SDK2: variants seen among roughly 807,000 people sequenced by gnomAD.
SDK2 encodes protein sidekick-2.
In SDK2, 105 loss-of-function variants were observed where a neutral mutation model predicts 253.9. The observed-to-expected ratio is 0.41, with a 90% CI of 0.35 to 0.49. The LOEUF is 0.49. SDK2 is among the 20% of genes least tolerant of loss of function. The pLI is 0.06. For synonymous variants in SDK2, 1,249 were observed against 1,234.9 expected (o/e 1.01, Z -0.24); for missense variants, 2,608 against 3,003.0 (o/e 0.87, Z 3.07).
At chr17:73,368,846 C>T (rs562533305) in intron 36 of SDK2, among the ~76,000 whole-genome samples, 1 of 152,130 alleles carries the variant, frequency 6.6e-6, no homozygotes, top group Admixed American at 6.6e-5. Context: ...CCCGTTTCTA[C>T]TGGAAATACA....
intron 1 of SDK2, among the ~76,000 whole-genome samples, chr17:73,625,268 C>T (rs1302298047): frequency 1.3e-5 from 2 of 152,234 alleles, no homozygotes; most frequent in Admixed American, 1.3e-4. Flanking sequence ...AGACAGTCTC[C>T]TAGGCAAAAC....
chr17:73,339,284 T>TG (rs2062412967), intron 44 of SDK2, among the ~76,000 whole-genome samples: 1 of 149,428 alleles, frequency 6.7e-6, no homozygotes, highest in African/African-American at 2.5e-5. Context: ...TGGAGTACAT[T>TG]GGCATGATCT....
intron 1 of SDK2, among the ~76,000 whole-genome samples, chr17:73,596,899 GC>G (rs2045766727): frequency 1.3e-5 from 2 of 152,134 alleles, no homozygotes; most frequent in Admixed American, 1.3e-4. Context: ...CTTCGGAGTT[GC>G]CCGCTTGCTC....
At chr17:73,528,050 G>A (rs550819045) in intron 1 of SDK2, among the ~76,000 whole-genome samples, 59 of 152,238 alleles carry the variant, frequency 3.9e-4, no homozygotes, top group Non-Finnish European at 5.6e-4. Flanking sequence ...TGGAAACACC[G>A]CAGCTGGTTT....
intron 1 of SDK2, among the ~76,000 whole-genome samples, chr17:73,568,014 A>G (rs898400362): frequency 6.6e-6 from 1 of 152,254 alleles, no homozygotes; most frequent in Non-Finnish European, 1.5e-5. Flanking sequence ...TAAAAATGAC[A>G]TGAAATTTAG....
At position 73,399,183 on chromosome 17, in the gene SDK2, C is replaced by T; in HGVS notation, c.3078G>A (p.Trp1026Ter). The change falls in exon 22 of 45, where the codon TGG becomes TGA. Residue 1026 changes from tryptophan to a stop codon, truncating the protein, a stop_gained. Transcript: ENST00000392650. LOFTEE classifies it high-confidence loss of function. ...GYDGKTSISR[W>*]LVEAQVGVVG... ...CCTGCCCTACCTGGGCTTCCACCAGCCAGCGGGAGATGGAGGTTTTCCCAT... is the reference window on the plus strand; with the variant it reads ...CCTGCCCTACCTGGGCTTCCACCAGTCAGCGGGAGATGGAGGTTTTCCCAT... 2 of 1,613,794 alleles carry T rather than the reference C, an allele frequency of 1.2e-6. No homozygotes were observed. The highest frequency in any genetic ancestry group is 1.1e-5 in the South Asian group (1 of 91,076).
intron 1 of SDK2, among the ~76,000 whole-genome samples, chr17:73,602,030 C>T (rs1024374004): frequency 2.0e-5 from 3 of 152,226 alleles, no homozygotes; most frequent in Non-Finnish European, 4.4e-5. Context: ...AGGCGTGAGC[C>T]GCCGCGCCCA....
At chr17:73,461,051 A>G (rs2063559427) in intron 3 of SDK2, among the ~76,000 whole-genome samples, 1 of 152,188 alleles carries the variant, frequency 6.6e-6, no homozygotes, top group Admixed American at 6.5e-5. Flanking sequence ...GGCCCTCCCC[A>G]TGCCATCCCT....
At chr17:73,407,307 G>C (rs562226291) in intron 18 of SDK2, among the ~76,000 whole-genome samples, 2 of 152,228 alleles carry the variant, frequency 1.3e-5, no homozygotes, top group Non-Finnish European at 1.5e-5. Flanking sequence ...GAAGCTATCA[G>C]AGACTACTGG....
chr17:73,464,311 C>A (rs559141990), intron 3 of SDK2, among the ~76,000 whole-genome samples: 37 of 152,188 alleles, frequency 2.4e-4, no homozygotes, highest in African/African-American at 8.7e-4. Flanking sequence ...TGGGTTCTCA[C>A]GAGATCTGAT....
In SDK2 at chr17:73,534,779, C is replaced by A. The variant is rs79400159; in HGVS notation, c.65-27182G>T. ...TTTCTTCCTCTCATCTAGGGGAAAG[C>A]GGCTTCTATTACCTAAACTCCCCTT... On this transcript the variant is annotated intron_variant, in intron 1 of 44. Transcript: ENST00000392650. This position sits in a 1 kb window ranked among gnomAD's most constrained non-coding sequence, Gnocchi z 4.9. Among the ~76,000 whole-genome samples the A allele has an allele frequency of 2.0e-3, 301 of 152,148 alleles. 1 individual carries two copies. Among genetic ancestry groups the A allele is most frequent in the African/African-American group, 6.9e-3 (287 of 41,478 alleles).
intron 2 of SDK2, among the ~76,000 whole-genome samples, chr17:73,483,691 ATATATATATATATATATT>A (rs2063751022): frequency 3.3e-4 from 23 of 69,120 alleles, no homozygotes; most frequent in African/African-American, 1.3e-3. Flanking sequence ...ATTTATATAT[ATATATATATATATATATT>A]TTTTTTTTTT....
intron 17 of SDK2, 75 bp from the exon 18 acceptor site, chr17:73,414,834 C>T (rs377698566): frequency 6.5e-5 from 59 of 913,076 alleles, no homozygotes; most frequent in Middle Eastern, 2.2e-4. Flanking sequence ...GTAGAGAAAA[C>T]GCAGGGGTGG....
chr17:73,599,481 G>A (rs887249332), intron 1 of SDK2, among the ~76,000 whole-genome samples: 4 of 151,918 alleles, frequency 2.6e-5, no homozygotes, highest in Admixed American at 2.6e-4. Flanking sequence ...GCTGCAGTGA[G>A]CTGAGATAGC....
intron 1 of SDK2, among the ~76,000 whole-genome samples, chr17:73,566,418 G>A (rs58912536): frequency 0.17 from 26,435 of 151,758 alleles, 2,695 homozygotes; most frequent in African/African-American, 0.28. Context: ...AACTGGTACT[G>A]AGAGTGGAGT....
At chr17:73,386,357 G>C (rs2062871768) in intron 31 of SDK2, 88 bp downstream of exon 31, 2 of 959,844 alleles carry the variant, frequency 2.1e-6, no homozygotes, top group African/African-American at 1.6e-5. Context: ...TCTCATCTTT[G>C]GAGGCCCCTC....
intron 1 of SDK2, among the ~76,000 whole-genome samples, chr17:73,508,301 G>A (rs911224600): frequency 3.9e-5 from 6 of 152,252 alleles, no homozygotes; most frequent in East Asian, 1.9e-4. Flanking sequence ...TCCCTGCCCC[G>A]CCACGGTTCT....
chr17:73,488,307 C>T (rs1467426900), intron 2 of SDK2, among the ~76,000 whole-genome samples: 3 of 152,224 alleles, frequency 2.0e-5, no homozygotes, highest in South Asian at 2.1e-4. Flanking sequence ...TGAGCCACCA[C>T]GCCCGGCCAA....
At chr17:73,637,635 A>G (rs1457142819) in intron 1 of SDK2, among the ~76,000 whole-genome samples, 1 of 152,162 alleles carries the variant, frequency 6.6e-6, no homozygotes, top group Non-Finnish European at 1.5e-5. Flanking sequence ...TCGGCCTCCC[A>G]AAGTGCTGGG....
Sources: gnomAD v4.1 joint callset for allele counts (sites outside exome capture counted in the v4.1 genomes callset) on GRCh38, gnomAD v4.1.1 for gene constraint, Gnocchi (gnomAD v3.1) non-coding constraint, MANE v1.5 for transcripts, NCBI Gene and HGNC (gene_info 2026-07-23, HGNC 2026-07-21) for gene names.